Variants in CACNA1B observed in about 807,000 individuals in gnomAD.
The protein encoded by CACNA1B is calcium voltage-gated channel subunit alpha1 B.
In CACNA1B, 70 loss-of-function variants were observed where a neutral mutation model predicts 247.2. The ratio of observed to expected loss-of-function variants is 0.28; its 90% CI spans 0.23 to 0.35. CACNA1B has a LOEUF of 0.35. CACNA1B is among the 10% of genes least tolerant of loss of function. The pLI is 1.00. For missense variants in CACNA1B, 2,367 were observed against 3,197.4 expected (o/e 0.74, Z 6.26); for synonymous variants, 1,231 against 1,294.4 (o/e 0.95, Z 1.05).
rs1388461843 is a variant in CACNA1B at position 138,057,634 on chromosome 9, C to G, written c.3969-98C>G. 5 of 1,184,858 alleles carry G rather than the reference C, an allele frequency of 4.2e-6. No homozygotes were observed. The highest frequency in any genetic ancestry group is 5.0e-5 in the East Asian group (2 of 39,842). The allele number at this position is 1,184,858 out of a possible 1,614,324, so 73.4% of individuals were successfully genotyped here. On this transcript the variant is annotated intron_variant, in intron 26 of 46. Transcript: ENST00000371372. This position sits in a 1 kb window ranked among gnomAD's most constrained non-coding sequence, Gnocchi z 4.0. ...TTCCCAGCACAGTCTGTTGGAGAGG[C>G]CATTCTTTCCCCACGGAATGGTTTC...
At chr9:137,890,277 G>A (rs1366691950) in intron 3 of CACNA1B, 2 of 149,486 alleles carry the variant, frequency 1.3e-5, no homozygotes, top group African/African-American at 4.8e-5. Flanking sequence ...TTTCACCATG[G>A]GGACTGGAGA....
chr9:138,029,611 T>C (rs1478314103), intron 20 of CACNA1B, among the ~76,000 whole-genome samples: 1 of 1,188 alleles, frequency 8.4e-4, no homozygotes. Context: ...TTCTTTTCCT[T>C]TTTTTTTTTT....
chr9:138,032,719 C>T, intron 20 of CACNA1B: 1 of 454,086 alleles, frequency 2.2e-6, no homozygotes, highest in Non-Finnish European at 4.4e-6. Flanking sequence ...TTCTGACCTC[C>T]ATGGTTTCTG....
At position 137,984,247 on chromosome 9, in the gene CACNA1B, C is replaced by T. The variant is rs765266695; in HGVS notation, c.1766C>T (p.Thr589Met). 3.8e-6 allele frequency: 6 copies of T among 1,580,398 alleles called. No homozygotes were observed. The Middle Eastern group carries it at 5.0e-4, about 131-fold the overall frequency. Residue 589 changes from threonine to methionine, a missense_variant, in exon 13 of 47, where the codon ACG (threonine) becomes ATG (methionine). Thr to Met is a moderately conservative substitution (Grantham distance 81). Coordinates refer to ENST00000371372, the MANE Select transcript of CACNA1B (RefSeq NM_000718.4). ...CGCCTGCTGAGGATCTTCAAAGTCA[C>T]GAAGTACGTCCCCTGCGCTCCCAGG... ...ALRLLRIFKV[T>M]KYWSSLRNLV...
At chr9:138,078,718 G>A (rs1299430111) in intron 36 of CACNA1B, among the ~76,000 whole-genome samples, 2 of 152,222 alleles carry the variant, frequency 1.3e-5, no homozygotes, top group African/African-American at 4.8e-5. Flanking sequence ...TCTGGCTTCT[G>A]TGTGAGTAGT....
chr9:138,016,946 G>A (rs1174550154), intron 18 of CACNA1B, among the ~76,000 whole-genome samples: 1 of 152,216 alleles, frequency 6.6e-6, no homozygotes, highest in Non-Finnish European at 1.5e-5. Flanking sequence ...TGCATGTGTG[G>A]AATTGGTTCT....
rs1429587579 is a variant in CACNA1B at position 138,054,801 on chromosome 9, C to A, written c.3968+795C>A. 2.0e-5 allele frequency among the ~76,000 whole-genome samples: 3 copies of A among 152,210 alleles called. No individual in the cohort carries two copies. The highest frequency in any genetic ancestry group is 7.2e-5 in the African/African-American group (3 of 41,458). ...CCAGCGTAGATGAGAGCCCCACATC[C>A]TAGCTAAATCTTGGTGTTTTCTTTC... is the stretch of plus-strand genomic sequence containing the variant. On this transcript the variant is annotated intron_variant, in intron 26 of 46. Transcript: ENST00000371372. This position sits in a 1 kb window ranked among gnomAD's most constrained non-coding sequence, Gnocchi z 4.6.
At chr9:138,098,614 G>A (rs924413632) in intron 37 of CACNA1B, among the ~76,000 whole-genome samples, 1 of 152,202 alleles carries the variant, frequency 6.6e-6, no homozygotes, top group Admixed American at 6.5e-5. Flanking sequence ...CAGGAAGAAC[G>A]GGAAGTGGAC....
chr9:137,896,509 A>G (rs1358422568), intron 3 of CACNA1B, among the ~76,000 whole-genome samples: 1 of 152,152 alleles, frequency 6.6e-6, no homozygotes, highest in African/African-American at 2.4e-5. Context: ...TTCTTTTGAT[A>G]TTGCTGAAGT....
At chr9:138,042,555 G>A (rs141407247) in intron 20 of CACNA1B, among the ~76,000 whole-genome samples, 88 of 152,258 alleles carry the variant, frequency 5.8e-4, no homozygotes, top group African/African-American at 2.0e-3. Flanking sequence ...TAAATTAATA[G>A]AATTTTTTGG....
chr9:138,120,455 T>C (rs2131374001), intron 45 of CACNA1B, 83 bp downstream of exon 45: 17 of 1,432,636 alleles, frequency 1.2e-5, no homozygotes, highest in East Asian at 2.5e-5. Context: ...GGGACCCTCT[T>C]CCTTTGTGGG....
intron 37 of CACNA1B, among the ~76,000 whole-genome samples, chr9:138,097,750 C>T (rs1961103159): frequency 6.6e-6 from 1 of 152,160 alleles, no homozygotes; most frequent in Non-Finnish European, 1.5e-5. Context: ...TGGGGGAGGG[C>T]CGGCAGGACG....
chr9:137,909,880 T>A (rs1038438495), intron 3 of CACNA1B, among the ~76,000 whole-genome samples: 1 of 152,078 alleles, frequency 6.6e-6, no homozygotes, highest in Non-Finnish European at 1.5e-5. Context: ...AAGTGATTCT[T>A]GTGCCTCAGC....
At chr9:137,926,188 G>A (rs1278248810) in intron 6 of CACNA1B, among the ~76,000 whole-genome samples, 2 of 150,368 alleles carry the variant, frequency 1.3e-5, no homozygotes, top group Non-Finnish European at 2.9e-5. Flanking sequence ...TCCTGCCTCA[G>A]CCTCCCGAGT....
At chr9:137,910,137 G>C (rs1957344234) in intron 3 of CACNA1B, among the ~76,000 whole-genome samples, 1 of 152,104 alleles carries the variant, frequency 6.6e-6, no homozygotes, top group Non-Finnish European at 1.5e-5. Flanking sequence ...CTTCCCTAAT[G>C]ATTAGTGATG....
At chr9:137,999,454 A>G (rs1213507544) in intron 15 of CACNA1B, among the ~76,000 whole-genome samples, 1 of 152,118 alleles carries the variant, frequency 6.6e-6, no homozygotes, top group Non-Finnish European at 1.5e-5. Flanking sequence ...CCGAAACAAC[A>G]CTTAAAGAAA....
chr9:138,099,441 A>G (rs1380849107), intron 37 of CACNA1B, among the ~76,000 whole-genome samples: 1 of 152,126 alleles, frequency 6.6e-6, no homozygotes, highest in Non-Finnish European at 1.5e-5. Flanking sequence ...CTGTGTGTGC[A>G]TATGCCCATG....
intron 3 of CACNA1B, among the ~76,000 whole-genome samples, chr9:137,905,273 A>G (rs1187238155): frequency 6.6e-6 from 1 of 152,000 alleles, no homozygotes; most frequent in Non-Finnish European, 1.5e-5. Flanking sequence ...GAATCGCTTG[A>G]ACCCAGGAGG....
intron 15 of CACNA1B, 141 bp from the exon 16 acceptor site, chr9:138,006,626 A>G (rs1958653991): frequency 3.1e-6 from 2 of 638,258 alleles, no homozygotes; most frequent in Non-Finnish European, 5.8e-6. Context: ...AGACAGCATC[A>G]TCTAAAGACC....
Sources: gnomAD v4.1 joint callset for allele counts (sites outside exome capture counted in the v4.1 genomes callset) on GRCh38, gnomAD v4.1.1 for gene constraint, Gnocchi (gnomAD v3.1) non-coding constraint, MANE v1.5 for transcripts, NCBI Gene and HGNC (gene_info 2026-07-23, HGNC 2026-07-21) for gene names.